Variants in CCDC178 observed in about 807,000 individuals in gnomAD.
CCDC178 encodes the protein coiled-coil domain containing 178.
A neutral mutation model predicts 117.4 loss-of-function variants in CCDC178; 126 were observed. That is an observed-to-expected ratio of 1.07 (90% CI 0.93 to 1.24). CCDC178 has a LOEUF of 1.24. CCDC178 is among the 50% of genes most tolerant of loss of function. CCDC178 has a pLI of 0.00. For missense variants in CCDC178, 1,030 were observed against 986.9 expected (o/e 1.04, Z -0.59); for synonymous variants, 283 against 313.4 (o/e 0.90, Z 1.02).
rs1340355671 is a variant in CCDC178 at position 33,440,056 on chromosome 18, C to T, written c.-117G>A. On this transcript the variant is annotated 5_prime_UTR_variant, in exon 2 of 23. Transcript: ENST00000383096. ...TCAGCCTCTCCGCCAGGAAGTTGTT[C>T]AGTATTTGACTTGATTGAGCAGACA... 1.3e-5 allele frequency: 2 copies of T among 152,148 alleles called. No individual in the cohort carries two copies. The highest frequency in any genetic ancestry group is 2.9e-5 in the Non-Finnish European group (2 of 68,008). The allele number at this position is 152,148 out of a possible 1,614,324, so 9.4% of individuals were successfully genotyped here.
chr18:33,356,830 G>A (rs2063064005), intron 6 of CCDC178, among the ~76,000 whole-genome samples: 1 of 152,022 alleles, frequency 6.6e-6, no homozygotes. Flanking sequence ...TTCAGAAACA[G>A]TCCTGCAAAA....
intron 20 of CCDC178, among the ~76,000 whole-genome samples, chr18:33,211,497 G>A (rs902845423): frequency 2.6e-5 from 4 of 151,616 alleles, no homozygotes; most frequent in Non-Finnish European, 5.9e-5. Flanking sequence ...AGAAGAGCGT[G>A]ACATATTTTC....
At chr18:33,227,286 C>G (rs62093078) in intron 15 of CCDC178, among the ~76,000 whole-genome samples, 2 of 148,646 alleles carry the variant, frequency 1.3e-5, no homozygotes, top group Admixed American at 1.3e-4. Flanking sequence ...TAGAACAATT[C>G]CTTTTTTTTT....
chr18:33,343,404 CAAA>C (rs2062843345), intron 9 of CCDC178, among the ~76,000 whole-genome samples: 1 of 152,194 alleles, frequency 6.6e-6, no homozygotes, highest in South Asian at 2.1e-4. Flanking sequence ...ATAGGAAAAA[CAAA>C]AAGCATTTGC....
chr18:32,964,189 T>A (rs1278092078), intron 22 of CCDC178, among the ~76,000 whole-genome samples: 1 of 152,060 alleles, frequency 6.6e-6, no homozygotes, highest in East Asian at 1.9e-4. Flanking sequence ...TAGTCAGCTT[T>A]AGATGAGGGT....
intron 11 of CCDC178, among the ~76,000 whole-genome samples, chr18:33,299,230 A>G (rs2062145239): frequency 6.6e-6 from 1 of 152,154 alleles, no homozygotes; most frequent in Admixed American, 6.6e-5. Context: ...CCAAAACAGC[A>G]TGGTGCTGAC....
intron 20 of CCDC178, among the ~76,000 whole-genome samples, chr18:33,152,337 C>T (rs1244983004): frequency 1.3e-5 from 2 of 151,878 alleles, no homozygotes; most frequent in East Asian, 1.9e-4. Flanking sequence ...GGAATCTTTA[C>T]AAAAATGGTC....
chr18:33,277,289 C>A (rs1360993047), intron 12 of CCDC178, among the ~76,000 whole-genome samples: 1 of 151,748 alleles, frequency 6.6e-6, no homozygotes, highest in African/African-American at 2.4e-5. Context: ...CTTCATAAAC[C>A]AAATATAACT....
chr18:33,113,531 T>C (rs1214445778), intron 20 of CCDC178, among the ~76,000 whole-genome samples: 1 of 151,956 alleles, frequency 6.6e-6, no homozygotes, highest in African/African-American at 2.4e-5. Flanking sequence ...ATTCAACATC[T>C]TGGCAAAGTC....
At chr18:33,299,683 A>G (rs539469076) in intron 11 of CCDC178, among the ~76,000 whole-genome samples, 20 of 152,172 alleles carry the variant, frequency 1.3e-4, no homozygotes, top group African/African-American at 4.8e-4. Flanking sequence ...GTGCAAGTAC[A>G]ATGTACACAA....
intron 20 of CCDC178, among the ~76,000 whole-genome samples, chr18:33,139,482 C>T (rs538579791): frequency 2.6e-5 from 4 of 152,096 alleles, no homozygotes; most frequent in South Asian, 2.1e-4. Context: ...AAATTCCAGG[C>T]TGAGGTGGTC....
At chr18:33,382,993 C>A (rs1027788128) in intron 5 of CCDC178, among the ~76,000 whole-genome samples, 1 of 151,730 alleles carries the variant, frequency 6.6e-6, no homozygotes, top group South Asian at 2.1e-4. Flanking sequence ...GAGGCAGGGG[C>A]AGGGGGAGGG....
chr18:33,228,800 C>T (rs964386032), intron 15 of CCDC178, among the ~76,000 whole-genome samples: 2 of 152,184 alleles, frequency 1.3e-5, no homozygotes, highest in Admixed American at 1.3e-4. Context: ...TGTTTCCAGG[C>T]AGATGCTCAA....
At chr18:33,382,916 C>G (rs2063453878) in intron 5 of CCDC178, among the ~76,000 whole-genome samples, 1 of 152,172 alleles carries the variant, frequency 6.6e-6, no homozygotes, top group Admixed American at 6.5e-5. Flanking sequence ...AGCTGAGAAC[C>G]ACTGGCCTGA....
At chr18:33,311,830 A>G (rs1170306887) in intron 11 of CCDC178, among the ~76,000 whole-genome samples, 1 of 152,220 alleles carries the variant, frequency 6.6e-6, no homozygotes. Flanking sequence ...CTTGGTTGAC[A>G]TAGGAACCAC....
intron 22 of CCDC178, among the ~76,000 whole-genome samples, chr18:32,938,917 A>G (rs1270030582): frequency 1.3e-5 from 2 of 152,166 alleles, no homozygotes; most frequent in African/African-American, 4.8e-5. Flanking sequence ...CTGATTTTCA[A>G]TATTGGTTTG....
chr18:33,086,000 C>A (rs1435644179), intron 21 of CCDC178, among the ~76,000 whole-genome samples: 1 of 151,866 alleles, frequency 6.6e-6, no homozygotes, highest in East Asian at 1.9e-4. Flanking sequence ...ATGAAAAAAT[C>A]ATTAACAGAT....
At chr18:33,374,380 C>T (rs752143989) in intron 5 of CCDC178, among the ~76,000 whole-genome samples, 1 of 152,110 alleles carries the variant, frequency 6.6e-6, no homozygotes, top group African/African-American at 2.4e-5. Flanking sequence ...TGAAAAGATG[C>T]TTAACATCAT....
At chr18:33,287,086 A>G (rs2060106896) in intron 12 of CCDC178, among the ~76,000 whole-genome samples, 1 of 25,116 alleles carries the variant, frequency 4.0e-5, no homozygotes, top group Middle Eastern at 0.018. Context: ...GTGTTTTCAT[A>G]GATCCATGAC....
Sources: gnomAD v4.1 joint callset for allele counts (sites outside exome capture counted in the v4.1 genomes callset) on GRCh38, gnomAD v4.1.1 for gene constraint, MANE v1.5 for transcripts, NCBI Gene and HGNC (gene_info 2026-07-23, HGNC 2026-07-21) for gene names.